The following SPMIP4 variants were observed in gnomAD, a reference collection of about 807,000 sequenced individuals.
SPMIP4 encodes the protein sperm-associated microtubule inner protein 4.
At chr7:25,165,396 T>G in the SPMIP4 span, among the ~76,000 whole-genome samples, 2 of 152,240 alleles carry the variant, frequency 1.3e-5, no homozygotes, top group African/African-American at 4.8e-5. Flanking sequence ...TGGAAACCAC[T>G]TTCCTTTGGC....
chr7:25,146,752 T>C, the SPMIP4 span, among the ~76,000 whole-genome samples: 1 of 152,332 alleles, frequency 6.6e-6, no homozygotes, highest in Non-Finnish European at 1.5e-5. Flanking sequence ...ACTGTGTTAT[T>C]CTCAGTGAGG....
the SPMIP4 span, among the ~76,000 whole-genome samples, chr7:25,143,798 A>T: frequency 6.6e-6 from 1 of 152,008 alleles, no homozygotes; most frequent in Non-Finnish European, 1.5e-5. Flanking sequence ...GGGTCTCATC[A>T]TGTTGCCCAG....
chr7:25,160,020 C>G, the SPMIP4 span, among the ~76,000 whole-genome samples: 1 of 151,488 alleles, frequency 6.6e-6, no homozygotes, highest in Admixed American at 6.6e-5. Flanking sequence ...AATATAAAAT[C>G]TTTTTTAAAA....
chr7:25,136,314 CAT>C, the SPMIP4 span: 1 of 1,614,054 alleles, frequency 6.2e-7, no homozygotes, highest in African/African-American at 1.3e-5. The surrounding 1 kb of genome is among the most constrained non-coding windows in gnomAD (Gnocchi z 5.7). Context: ...GGTCTGGACA[CAT>C]ATTATACTGA....
the SPMIP4 span, chr7:25,135,886 A>C: frequency 6.7e-7 from 1 of 1,482,140 alleles, no homozygotes; most frequent in African/African-American, 1.4e-5. Context: ...TAATCTAGAA[A>C]ACAGAATCCA....
chr7:25,128,824 T>C, the SPMIP4 span, among the ~76,000 whole-genome samples: 4 of 152,224 alleles, frequency 2.6e-5, no homozygotes, highest in Non-Finnish European at 5.9e-5. The surrounding 1 kb of genome is among the most constrained non-coding windows in gnomAD (Gnocchi z 4.5). Flanking sequence ...CTACTGATTA[T>C]TCAAGCCCAA....
At chr7:25,151,668 A>C in the SPMIP4 span, 2 of 1,608,588 alleles carry the variant, frequency 1.2e-6, no homozygotes, top group South Asian at 1.1e-5. Flanking sequence ...CAATCAGTTC[A>C]TATCTATAAG....
At chr7:25,149,294 C>CG in the SPMIP4 span, among the ~76,000 whole-genome samples, 1 of 92,934 alleles carries the variant, frequency 1.1e-5, no homozygotes, top group Non-Finnish European at 2.8e-5. Flanking sequence ...TGTAGATTAC[C>CG]TCCCCAATTA....
chr7:25,179,264 T>A, the SPMIP4 span: 1 of 1,613,786 alleles, frequency 6.2e-7, no homozygotes, highest in Non-Finnish European at 8.5e-7. Flanking sequence ...TGTCAGCTCC[T>A]TCAAGCTCCC....
At chr7:25,130,001 G>C in the SPMIP4 span, among the ~76,000 whole-genome samples, 2 of 152,004 alleles carry the variant, frequency 1.3e-5, no homozygotes, top group African/African-American at 2.4e-5. Flanking sequence ...ACTTTGGGAG[G>C]CCGAGGCGGG....
At chr7:25,154,793 C>G in the SPMIP4 span, among the ~76,000 whole-genome samples, 1 of 152,062 alleles carries the variant, frequency 6.6e-6, no homozygotes. Context: ...GAGGCTGTGT[C>G]AAGGGGAAAG....
chr7:25,164,341 T>G, the SPMIP4 span, among the ~76,000 whole-genome samples: 6 of 152,166 alleles, frequency 3.9e-5, no homozygotes, highest in East Asian at 1.2e-3. Context: ...TTGGGCAGGA[T>G]GACTGATCCT....
At chr7:25,147,008 T>C in the SPMIP4 span, among the ~76,000 whole-genome samples, 8 of 152,130 alleles carry the variant, frequency 5.3e-5, no homozygotes, top group Non-Finnish European at 1.2e-4. Flanking sequence ...TTAAAACCTA[T>C]GTATGGGCCA....
chr7:25,150,719 A>G, the SPMIP4 span, among the ~76,000 whole-genome samples: 1 of 152,186 alleles, frequency 6.6e-6, no homozygotes, highest in African/African-American at 2.4e-5. Context: ...CAGAGACTAG[A>G]ACTTCACAAA....
chr7:25,157,660 T>C, the SPMIP4 span, among the ~76,000 whole-genome samples: 2 of 152,046 alleles, frequency 1.3e-5, no homozygotes, highest in African/African-American at 4.8e-5. Context: ...CTAAAAATTG[T>C]CAAGGTCATT....
the SPMIP4 span, among the ~76,000 whole-genome samples, chr7:25,158,128 G>C: frequency 4.1e-3 from 624 of 152,270 alleles, 9 homozygotes; most frequent in African/African-American, 0.015. Context: ...AGTACTTTGG[G>C]AGGCCGAGGT....
At chr7:25,169,773 G>A in the SPMIP4 span, among the ~76,000 whole-genome samples, 4 of 151,938 alleles carry the variant, frequency 2.6e-5, no homozygotes, top group Non-Finnish European at 5.9e-5. Flanking sequence ...ACATGGTTTC[G>A]CCATGTTGGC....
the SPMIP4 span, among the ~76,000 whole-genome samples, chr7:25,166,680 A>G: frequency 6.6e-6 from 1 of 151,730 alleles, no homozygotes; most frequent in Non-Finnish European, 1.5e-5. Context: ...TGAGGTCGGG[A>G]GTTCGAGACC....
the SPMIP4 span, among the ~76,000 whole-genome samples, chr7:25,129,021 C>T: frequency 6.6e-6 from 1 of 152,212 alleles, no homozygotes; most frequent in African/African-American, 2.4e-5. Flanking sequence ...AAGACAATGT[C>T]TTCTTTACTC....
Sources: gnomAD v4.1 joint callset for allele counts (sites outside exome capture counted in the v4.1 genomes callset) on GRCh38, gnomAD v4.1.1 for gene constraint, Gnocchi (gnomAD v3.1) non-coding constraint, MANE v1.5 for transcripts, NCBI Gene and HGNC (gene_info 2026-07-23, HGNC 2026-07-21) for gene names.